ACYP2: variants seen among roughly 807,000 people sequenced by gnomAD.
The protein encoded by ACYP2 is acylphosphatase 2.
ACYP2 carries 12 observed loss-of-function variants against 11.2 expected under a neutral mutation model. The ratio of observed to expected loss-of-function variants is 1.08; its 90% confidence interval spans 0.69 to 1.74. The LOEUF is 1.74. ACYP2 is among the 40% of genes most tolerant of loss of function. The pLI, the probability that ACYP2 is intolerant of heterozygous loss-of-function variation, is 0.00. For missense variants in ACYP2, 134 were observed against 101.9 expected, an observed-to-expected ratio of 1.31 and a Z score of -1.35; for synonymous variants, 43 against 32.2, an observed-to-expected ratio of 1.33 and a Z score of -1.13.
chr2:54,240,077 C>A (rs533764065), intron 6 of ACYP2, among the ~76,000 whole-genome samples: 3 of 152,084 alleles, frequency 2.0e-5, no homozygotes, highest in Non-Finnish European at 4.4e-5. Flanking sequence ...CTTCTCAGAA[C>A]GAAGTTAGAG....
chr2:54,095,267 GTC>G (rs969156441), intron 4 of ACYP2, among the ~76,000 whole-genome samples: 2 of 152,328 alleles, frequency 1.3e-5, no homozygotes, highest in African/African-American at 4.8e-5. Flanking sequence ...ACAAAACGAA[GTC>G]TCCCATGTCT....
chr2:54,219,690 C>T (rs1685700169), intron 6 of ACYP2, among the ~76,000 whole-genome samples: 1 of 151,898 alleles, frequency 6.6e-6, no homozygotes, highest in South Asian at 2.1e-4. Context: ...GCGATCTCAG[C>T]TCACTGCAAC....
intron 6 of ACYP2, among the ~76,000 whole-genome samples, chr2:54,199,823 C>A (rs927569609): frequency 1.3e-5 from 2 of 148,538 alleles, no homozygotes; most frequent in African/African-American, 2.6e-5. Flanking sequence ...CCTTTAACCA[C>A]TGCACTGCAC....
intron 6 of ACYP2, among the ~76,000 whole-genome samples, chr2:54,201,108 C>CT (rs757159071): frequency 0.057 from 4,412 of 78,016 alleles, 82 homozygotes; most frequent in Non-Finnish European, 0.077. Flanking sequence ...TTCTCTCTCT[C>CT]TTTTTTTTTT....
At chr2:54,177,244 TAGG>T (rs1683500600) in intron 6 of ACYP2, among the ~76,000 whole-genome samples, 1 of 152,116 alleles carries the variant, frequency 6.6e-6, no homozygotes, top group Non-Finnish European at 1.5e-5. Flanking sequence ...AAGGCACTGA[TAGG>T]AGATCAGATG....
intron 6 of ACYP2, among the ~76,000 whole-genome samples, chr2:54,289,272 AC>A (rs1689204456): frequency 6.6e-6 from 1 of 151,968 alleles, no homozygotes; most frequent in African/African-American, 2.4e-5. Context: ...TATATTGATG[AC>A]GTCCTCTTAT....
At chr2:54,110,402 T>C (rs191388819) in intron 4 of ACYP2, among the ~76,000 whole-genome samples, 1 of 152,190 alleles carries the variant, frequency 6.6e-6, no homozygotes, top group Non-Finnish European at 1.5e-5. Context: ...TTCTGTAATG[T>C]TTAGTAGTCA....
intron 4 of ACYP2, among the ~76,000 whole-genome samples, chr2:54,134,687 A>C (rs1681119699): frequency 6.6e-6 from 1 of 152,248 alleles, no homozygotes; most frequent in African/African-American, 2.4e-5. Context: ...ACACTTTCTA[A>C]ATATATTCAG....
At chr2:54,094,658 C>G (rs964975871) in intron 4 of ACYP2, among the ~76,000 whole-genome samples, 7 of 152,130 alleles carry the variant, frequency 4.6e-5, no homozygotes, top group Non-Finnish European at 7.3e-5. Flanking sequence ...CCACCTCAGC[C>G]TCCCAAGTAG....
chr2:54,265,301 G>A (rs189418627), intron 6 of ACYP2, among the ~76,000 whole-genome samples: 1 of 152,176 alleles, frequency 6.6e-6, no homozygotes, highest in Non-Finnish European at 1.5e-5. Context: ...CAGGCAAAGA[G>A]AGACAGCTTG....
chr2:54,285,043 C>T (rs1284451195), intron 6 of ACYP2, among the ~76,000 whole-genome samples: 1 of 152,188 alleles, frequency 6.6e-6, no homozygotes, highest in Non-Finnish European at 1.5e-5. Context: ...GATCAAGGCA[C>T]TAGCAGATTC....
chr2:54,204,751 G>T (rs950162305), intron 6 of ACYP2, among the ~76,000 whole-genome samples: 3 of 152,068 alleles, frequency 2.0e-5, no homozygotes, highest in Non-Finnish European at 4.4e-5. Context: ...TTTGATTATT[G>T]CTTCTGCTCT....
At chr2:54,245,596 G>C (rs112835046) in intron 6 of ACYP2, among the ~76,000 whole-genome samples, 3,366 of 151,982 alleles carry the variant, frequency 0.022, 114 homozygotes, top group African/African-American at 0.076. Context: ...GTTTTGATTG[G>C]CATTTCCTTC....
At chr2:54,099,667 A>G (rs1159646351) in intron 4 of ACYP2, among the ~76,000 whole-genome samples, 1 of 151,746 alleles carries the variant, frequency 6.6e-6, no homozygotes, top group Non-Finnish European at 1.5e-5. Context: ...TTTTTTATCC[A>G]TTCATCCACT....
intron 6 of ACYP2, among the ~76,000 whole-genome samples, chr2:54,267,798 C>A (rs1688105334): frequency 6.6e-6 from 1 of 151,428 alleles, no homozygotes; most frequent in Non-Finnish European, 1.5e-5. Context: ...GTCAGAGGGG[C>A]AACAAGCAGA....
chr2:54,074,381 T>C (rs186428441), intron 4 of ACYP2, among the ~76,000 whole-genome samples: 19 of 152,214 alleles, frequency 1.2e-4, no homozygotes, highest in Non-Finnish European at 2.5e-4. Flanking sequence ...GAGGATCACA[T>C]GAGTCCAGGA....
chr2:54,150,985 C>G (rs1294789284), intron 6 of ACYP2, among the ~76,000 whole-genome samples: 3 of 152,010 alleles, frequency 2.0e-5, no homozygotes, highest in Non-Finnish European at 2.9e-5. Flanking sequence ...TCGTGATCCG[C>G]CCACCTCGGC....
intron 2 of ACYP2, among the ~76,000 whole-genome samples, chr2:54,014,057 C>G (rs1437391034): frequency 6.6e-6 from 1 of 151,926 alleles, no homozygotes; most frequent in Non-Finnish European, 1.5e-5. Context: ...ACCCAGGAGG[C>G]TGAGGCAGGG....
intron 6 of ACYP2, among the ~76,000 whole-genome samples, chr2:54,238,954 A>T (rs1686616566): frequency 6.6e-6 from 1 of 151,718 alleles, no homozygotes; most frequent in South Asian, 2.1e-4. Context: ...TATTGTGTAG[A>T]TATTTAAGGA....
Sources: gnomAD v4.1 joint callset for allele counts (sites outside exome capture counted in the v4.1 genomes callset) on GRCh38, gnomAD v4.1.1 for gene constraint, MANE v1.5 for transcripts, NCBI Gene and HGNC (gene_info 2026-07-23, HGNC 2026-07-21) for gene names.